Variants in ME1 observed in about 807,000 individuals in gnomAD.
ME1 encodes the protein malic enzyme 1, also known as NADP-dependent malic enzyme.
Under a neutral mutation model 66.4 loss-of-function variants are expected in ME1, and 74 were observed. That is an observed-to-expected ratio of 1.11 (90% confidence interval 0.92 to 1.35). The LOEUF is 1.35. Ranked by LOEUF, ME1 falls within the 40% of genes most tolerant of loss-of-function variation. The pLI is 0.00. For missense variants in ME1, 750 were observed against 694.1 expected (o/e 1.08, Z -0.90); for synonymous variants, 251 against 235.6 (o/e 1.07, Z -0.60).
chr6:83,291,168 T>C (rs1170353), intron 6 of ME1, among the ~76,000 whole-genome samples: 72,422 of 151,666 alleles, frequency 0.48, 18,885 homozygotes, highest in African/African-American at 0.7. Flanking sequence ...CATTTTGATG[T>C]TAGCTGGTTA....
At chr6:83,252,552 T>C (rs1790742357) in intron 7 of ME1, among the ~76,000 whole-genome samples, 2 of 152,140 alleles carry the variant, frequency 1.3e-5, no homozygotes, top group Non-Finnish European at 2.9e-5. Flanking sequence ...CTGCCTGCCT[T>C]GGCCTCCCAA....
At chr6:83,324,716 CAAAAAAAAAAA>C (rs55866196) in intron 5 of ME1, among the ~76,000 whole-genome samples, 3 of 49,320 alleles carry the variant, frequency 6.1e-5, no homozygotes, top group East Asian at 5.6e-4. Flanking sequence ...GCCTACCAAC[CAAAAAAAAAAA>C]AAAAAAAAAA....
intron 2 of ME1, among the ~76,000 whole-genome samples, chr6:83,403,141 T>C (rs1414528807): frequency 6.6e-6 from 1 of 152,200 alleles, no homozygotes; most frequent in Non-Finnish European, 1.5e-5. Flanking sequence ...GCATCTTCTT[T>C]TGAGGATAGG....
At chr6:83,398,289 A>C in intron 3 of ME1, 78 bp downstream of exon 3, 1 of 971,144 alleles carries the variant, frequency 1.0e-6, no homozygotes, top group Non-Finnish European at 1.5e-6. Flanking sequence ...AAATAATAAT[A>C]ATAAATTTTA....
At chr6:83,302,513 A>C (rs1052301309) in intron 6 of ME1, among the ~76,000 whole-genome samples, 1 of 152,176 alleles carries the variant, frequency 6.6e-6, no homozygotes, top group Admixed American at 6.5e-5. Context: ...GGAAGAGAGA[A>C]AAGAATGAGG....
At chr6:83,368,282 A>G (rs1375514276) in intron 3 of ME1, among the ~76,000 whole-genome samples, 1 of 151,870 alleles carries the variant, frequency 6.6e-6, no homozygotes, top group Non-Finnish European at 1.5e-5. Flanking sequence ...AATGTGACAC[A>G]AAGATACTAG....
chr6:83,317,847 A>C (rs1768065426), intron 5 of ME1, among the ~76,000 whole-genome samples: 1 of 152,178 alleles, frequency 6.6e-6, no homozygotes, highest in South Asian at 2.1e-4. Context: ...CTGCCAAGTC[A>C]ATCCTAAGCC....
intron 3 of ME1, among the ~76,000 whole-genome samples, chr6:83,388,769 A>C (rs567508754): frequency 6.6e-6 from 1 of 152,286 alleles, no homozygotes; most frequent in Non-Finnish European, 1.5e-5. Flanking sequence ...GACTATCACC[A>C]GCAAACTGTT....
chr6:83,283,217 G>T, intron 6 of ME1, among the ~76,000 whole-genome samples: 1 of 56,894 alleles, frequency 1.8e-5, no homozygotes. Context: ...GACAGAGCAA[G>T]ACTCCGTCTC....
intron 7 of ME1, among the ~76,000 whole-genome samples, chr6:83,246,241 G>T (rs141062210): frequency 2.0e-4 from 30 of 152,142 alleles, no homozygotes; most frequent in African/African-American, 7.0e-4. Context: ...TGATATTATG[G>T]CTCAACAATT....
chr6:83,242,007 C>T (rs1460125189), intron 7 of ME1, among the ~76,000 whole-genome samples: 1 of 152,102 alleles, frequency 6.6e-6, no homozygotes, highest in Non-Finnish European at 1.5e-5. Flanking sequence ...GGATTACAGG[C>T]ACCCACCACC....
In ME1 at chr6:83,357,933, CTCTATATATATATATATATATATATATA is replaced by C. The variant is rs1385406219; in HGVS notation, c.363-5822_363-5795del. Reference sequence around the variant, plus strand: ...TCTCTCTCTCTCTCTCTCTCTCTCTCTCTATATATATATATATATATATATATATATATATATATATTTCATTAGTTCT... The same window carrying C: ...TCTCTCTCTCTCTCTCTCTCTCTCTCTATATATATATATTTCATTAGTTCT... On this transcript the variant is annotated intron_variant, in intron 3 of 13. Coordinates refer to ENST00000369705, the MANE Select transcript of ME1 (RefSeq NM_002395.6). Among the ~76,000 whole-genome samples the C allele has an allele frequency of 2.4e-3, 107 of 44,960 alleles. 4 individuals carry two copies. Among genetic ancestry groups the C allele is most frequent in the South Asian group, 8.4e-3 (9 of 1,068 alleles). The allele number at this position is 44,960 out of a possible 152,430, so 29.5% of individuals were successfully genotyped here.
At chr6:83,379,339 T>C (rs185547990) in intron 3 of ME1, among the ~76,000 whole-genome samples, 1 of 152,168 alleles carries the variant, frequency 6.6e-6, no homozygotes. Context: ...CAATATAAAA[T>C]AGATTGTTTT....
At chr6:83,387,546 T>C (rs1769534405) in intron 3 of ME1, among the ~76,000 whole-genome samples, 1 of 151,982 alleles carries the variant, frequency 6.6e-6, no homozygotes, top group Admixed American at 6.6e-5. Flanking sequence ...TCTCCATTTC[T>C]AATCGTGGTC....
chr6:83,414,240 A>G (rs1472644227), intron 1 of ME1, among the ~76,000 whole-genome samples: 2 of 152,098 alleles, frequency 1.3e-5, no homozygotes, highest in Non-Finnish European at 2.9e-5. Flanking sequence ...GAAAATAATC[A>G]TATAAAAATA....
chr6:83,213,616 C>T (rs1027180007), intron 13 of ME1, among the ~76,000 whole-genome samples: 5 of 152,104 alleles, frequency 3.3e-5, no homozygotes, highest in Admixed American at 6.5e-5. Context: ...ATCCACCTGC[C>T]TTGGCCTCCC....
At chr6:83,424,935 A>G (rs1770340207) in intron 1 of ME1, among the ~76,000 whole-genome samples, 3 of 152,206 alleles carry the variant, frequency 2.0e-5, no homozygotes. Context: ...TAAAGGGCCA[A>G]TGCCTAATAG....
chr6:83,321,617 C>A (rs1221775692), intron 5 of ME1, among the ~76,000 whole-genome samples: 1 of 152,180 alleles, frequency 6.6e-6, no homozygotes, highest in East Asian at 1.9e-4. Context: ...CCTCTCTGGG[C>A]AGGGCATCTC....
At chr6:83,215,684 G>A (rs567143843) in intron 13 of ME1, among the ~76,000 whole-genome samples, 1 of 152,304 alleles carries the variant, frequency 6.6e-6, no homozygotes, top group South Asian at 2.1e-4. Context: ...GGCCATATGG[G>A]GACACAGAAA....
Sources: gnomAD v4.1 joint callset for allele counts (sites outside exome capture counted in the v4.1 genomes callset) on GRCh38, gnomAD v4.1.1 for gene constraint, MANE v1.5 for transcripts, NCBI Gene and HGNC (gene_info 2026-07-23, HGNC 2026-07-21) for gene names.